CDC42BPG: variants seen among roughly 807,000 people sequenced by gnomAD.
CDC42BPG encodes the protein serine/threonine-protein kinase MRCK gamma.
Under a neutral mutation model 192.2 loss-of-function variants are expected in CDC42BPG, and 157 were observed. The observed-to-expected ratio is 0.82, with a 90% CI of 0.72 to 0.93. CDC42BPG has a LOEUF of 0.93. Ranked by LOEUF, CDC42BPG falls within the 40% of genes least tolerant of loss-of-function variation. The pLI is 0.00. For synonymous variants in CDC42BPG, 981 were observed against 918.5 expected (o/e 1.07, Z -1.23); for missense variants, 1,992 against 2,122.1 (o/e 0.94, Z 1.20).
chr11:64,834,093 G>A, intron 20 of CDC42BPG, 116 bp from the exon 21 acceptor site: 1 of 1,488,120 alleles, frequency 6.7e-7, no homozygotes, highest in Non-Finnish European at 9.4e-7. Context: ...GTGGGGCAGG[G>A]CTGGGCACAG....
At position 64,835,611 on chromosome 11, in the gene CDC42BPG, G is replaced by A. The variant is rs780048803; in HGVS notation, c.1769C>T (p.Thr590Ile). The A allele has an allele frequency of 1.3e-6, 2 of 1,568,268 alleles. No homozygotes were observed. The highest frequency in any genetic ancestry group is 1.4e-5 in the African/African-American group (1 of 74,040). The change falls in exon 15 of 37, where the codon ACA becomes ATA. Residue 590 changes from threonine (T) to isoleucine (I), a missense_variant. Coordinates refer to ENST00000342711, the MANE Select transcript of CDC42BPG (RefSeq NM_017525.3). Reference sequence around the variant, plus strand: ...TCCCATCCCGTTGGTCTCAGAGGCTGTGTGGATGGTCTTGGGGACATGGAG... The same window carrying A: ...TCCCATCCCGTTGGTCTCAGAGGCTATGTGGATGGTCTTGGGGACATGGAG... ...EESSQAKTIHTASETNGMGPP... is the reference protein window; with the variant it reads ...EESSQAKTIHIASETNGMGPP...
At position 64,844,582 on chromosome 11, in the gene CDC42BPG, A is replaced by G. The variant is rs2136445643; in HGVS notation, c.-13T>C. On this transcript the variant is annotated 5_prime_UTR_variant, in exon 1 of 37. Coordinates refer to ENST00000342711, the MANE Select transcript of CDC42BPG (RefSeq NM_017525.3). The stretch of plus-strand genomic sequence containing the variant: ...GCCGCCGCTCCATGGCTGCGGCCGG[A>G]GCCTCGCTGCTCGGCTACAGTCTGG... 1.6e-6 allele frequency: 2 copies of G among 1,256,948 alleles called. No homozygotes were observed. Among genetic ancestry groups the G allele is most frequent in the South Asian group, 2.8e-5 (1 of 35,630 alleles). The allele number at this position is 1,256,948 out of a possible 1,614,324, so 77.9% of individuals were successfully genotyped here.
In CDC42BPG at chr11:64,838,118, G is replaced by A. The variant is rs776609069; in HGVS notation, c.1170C>T (p.His390=). The change falls in exon 9 of 37, where the codon CAC becomes CAT. Residue 390 remains histidine, a synonymous_variant. Coordinates refer to ENST00000342711, the MANE Select transcript of CDC42BPG (RefSeq NM_017525.3). ...TGTAGGTGAAGCCCACGAATGGCAG[G>A]TGATGGCCGGAGAAGGCCCCGTGGG... ...PPSHGAFSGH[H]LPFVGFTYTS... The A allele has an allele frequency of 6.4e-7, 1 of 1,553,616 alleles. No individual in the cohort carries two copies. Among genetic ancestry groups the A allele is most frequent in the South Asian group, 1.2e-5 (1 of 84,230 alleles).
At chr11:64,840,866 G>C (rs1382655774) in intron 3 of CDC42BPG, among the ~76,000 whole-genome samples, 2 of 152,216 alleles carry the variant, frequency 1.3e-5, no homozygotes, top group Admixed American at 1.3e-4. Flanking sequence ...GACTCTGCTT[G>C]CTTTCAAAAG....
Position 64,829,472 on chromosome 11 carries a change from C to G in CDC42BPG, c.3966G>C (p.Trp1322Cys). The change falls in exon 30 of 37, where the codon TGG becomes TGC. Residue 1322 changes from tryptophan to cysteine, a missense_variant and splice_region_variant. Physicochemically the swap from Trp to Cys is radical, Grantham distance 215. This residue lies in a region of CDC42BPG where 1,656 missense variants were observed against 1,844.3 expected (regional missense o/e 0.90). Coordinates refer to ENST00000342711, the MANE Select transcript of CDC42BPG (RefSeq NM_017525.3). ...ELLWPAAPMGWGYAAPYLTVF... is the reference protein window; with the variant it reads ...ELLWPAAPMGCGYAAPYLTVF... ...TGCCAAGCCCTCAGCAGGCCTTACC[C>G]CAGCCCATGGGCGCTGCTGGCCACA... 6.2e-7 allele frequency: 1 copy of G among 1,612,516 alleles called. No homozygotes were observed. Among genetic ancestry groups the G allele is most frequent in the East Asian group, 2.2e-5 (1 of 44,868 alleles).
At chr11:64,825,892 C>T (rs1942394247) in intron 36 of CDC42BPG, among the ~76,000 whole-genome samples, 1 of 151,944 alleles carries the variant, frequency 6.6e-6, no homozygotes, top group East Asian at 1.9e-4. Flanking sequence ...ATAATGAAAC[C>T]CCATCTCTAC....
At chr11:64,825,483 C>T (rs1425838594) in intron 36 of CDC42BPG, among the ~76,000 whole-genome samples, 1 of 152,146 alleles carries the variant, frequency 6.6e-6, no homozygotes, top group Non-Finnish European at 1.5e-5. Flanking sequence ...CCTGGTGGGT[C>T]ACCTGGAGGG....
At chr11:64,826,436 A>G (rs1366672751) in intron 36 of CDC42BPG, 34 bp downstream of exon 36, 1 of 1,481,506 alleles carries the variant, frequency 6.7e-7, no homozygotes, top group South Asian at 1.2e-5. Flanking sequence ...TGACGTTTGA[A>G]TAGGGGACGG....
Position 64,841,753 on chromosome 11 carries a change from C to G in CDC42BPG, c.253-20G>C, listed in dbSNP as rs531296545. ...GGTGACCTAAGGCCACAGGGAGGACCGGGGTGAGCCCAGCCCGGTGTGAAC... is the reference window on the plus strand; with the variant it reads ...GGTGACCTAAGGCCACAGGGAGGACGGGGGTGAGCCCAGCCCGGTGTGAAC... On this transcript the variant is annotated intron_variant, in intron 2 of 36. Coordinates refer to ENST00000342711, the MANE Select transcript of CDC42BPG (RefSeq NM_017525.3). 1 of 1,613,542 alleles carries G rather than the reference C, an allele frequency of 6.2e-7. No individual in the cohort carries two copies. Among genetic ancestry groups the G allele is most frequent in the Non-Finnish European group, 8.5e-7 (1 of 1,179,724 alleles).
intron 1 of CDC42BPG, 48 bp from the exon 2 acceptor site, chr11:64,841,952 A>G: frequency 6.9e-7 from 1 of 1,447,056 alleles, no homozygotes; most frequent in Non-Finnish European, 9.5e-7. Context: ...GGAGGGCTCC[A>G]TTCCCCCTCT....
rs745610303 is a variant in CDC42BPG, at chr11:64,827,337, G to A, written c.4212C>T (p.Thr1404=). 4.3e-6 allele frequency: 7 copies of A among 1,614,008 alleles called. No homozygotes were observed. In the African/African-American group the frequency reaches 6.7e-5, roughly 15 times the overall value. The stretch of plus-strand genomic sequence containing the variant: ...GGAAAAAGAAGCGGCGCTTGCTCTT[G>A]GTGCGGAACAGCTGGCGCCGGCTGT... ...TDNSRRQLFR[T]KSKRRFFFRV... is the part of the protein sequence containing the mutation. Residue 1404 remains threonine (T), a synonymous_variant, in exon 33 of 37, where the codon ACC becomes ACT. Transcript: ENST00000342711.
chr11:64,840,305 G>A (rs751591394), intron 4 of CDC42BPG, 37 bp from the exon 5 acceptor site: 14 of 1,599,810 alleles, frequency 8.8e-6, no homozygotes, highest in Non-Finnish European at 1.2e-5. Context: ...CCGGGGGAAG[G>A]GTGCACCTGG....
At chr11:64,824,846 C>A (rs974281916) in intron 36 of CDC42BPG, among the ~76,000 whole-genome samples, 1 of 152,074 alleles carries the variant, frequency 6.6e-6, no homozygotes, top group African/African-American at 2.4e-5. Flanking sequence ...CTCCCAGGTT[C>A]TAGTGATTCT....
rs1211925881 is a variant in CDC42BPG at position 64,841,662 on chromosome 11, C to T, written c.324G>A (p.Leu108=). Residue 108 remains leucine (L), a synonymous_variant, in exon 3 of 37, where the codon CTG becomes CTA. Coordinates refer to ENST00000342711, the MANE Select transcript of CDC42BPG (RefSeq NM_017525.3). The part of the protein sequence containing the change: ...AMKMLHKWEM[L]KRAETACFRE... The stretch of plus-strand genomic sequence containing the variant: ...ACTCCACACTGACCTCAGCCCTCTT[C>T]AGCATCTCCCACTTGTGCAGCATTT... 1 of 1,613,402 alleles carries T rather than the reference C, an allele frequency of 6.2e-7. No individual in the cohort carries two copies. The highest frequency in any genetic ancestry group is 1.7e-4 in the Middle Eastern group (1 of 6,060).
rs1236332899 is a variant in CDC42BPG, at chr11:64,840,581, T to C, written c.404A>G (p.His135Arg). Reference sequence around the variant, plus strand: ...GTACTCCTCGTCTTGGAAGGCATAGTGCAGAGTGGTCACCCAACGGCTGTC... The same window carrying C: ...GTACTCCTCGTCTTGGAAGGCATAGCGCAGAGTGGTCACCCAACGGCTGTC... ...KGDSRWVTTL[H>R]YAFQDEEYLY... is the part of the protein sequence containing the mutation. The change falls in exon 4 of 37, where the codon CAC (histidine) becomes CGC (arginine). Residue 135 changes from histidine to arginine, a missense_variant. Transcript: ENST00000342711. The C allele has an allele frequency of 1.2e-6, 2 of 1,613,998 alleles. No individual in the cohort carries two copies. The highest frequency in any genetic ancestry group is 1.7e-6 in the Non-Finnish European group (2 of 1,180,012).
Position 64,826,793 on chromosome 11 carries a change from G to C in CDC42BPG, c.4391C>G (p.Ala1464Gly). ...GGCAACTCGGCCCTTCTCTTCGGGA[G>C]CCTGTTGGGTGACAGTGCGGAGGGG... ...GRPGARDKSP[A>G]PEEKGRVARG... Residue 1464 changes from alanine to glycine, a missense_variant and splice_region_variant, in exon 35 of 37, where the codon GCT becomes GGT. Physicochemically the swap from Ala to Gly is moderately conservative, Grantham distance 60. Around this residue, in one of 2 missense-constraint regions of CDC42BPG, gnomAD observed 336 missense variants for 277.9 expected, o/e 1.21. Coordinates refer to ENST00000342711, the MANE Select transcript of CDC42BPG (RefSeq NM_017525.3). 2.7e-6 allele frequency: 4 copies of C among 1,498,162 alleles called. No homozygotes were observed. Among genetic ancestry groups the C allele is most frequent in the Non-Finnish European group, 3.6e-6 (4 of 1,125,868 alleles). The allele number at this position is 1,498,162 out of a possible 1,614,324, so 92.8% of individuals were successfully genotyped here. A position where few individuals can be genotyped will look rare whatever the true frequency, so the allele number is the denominator to read the frequency against.
At chr11:64,843,520 C>G (rs889183558) in intron 1 of CDC42BPG, among the ~76,000 whole-genome samples, 1 of 152,132 alleles carries the variant, frequency 6.6e-6, no homozygotes, top group Non-Finnish European at 1.5e-5. Context: ...TGTGCCTTCC[C>G]AGAGCTCAGG....
chr11:64,842,716 C>T (rs1943333735), intron 1 of CDC42BPG, among the ~76,000 whole-genome samples: 1 of 152,224 alleles, frequency 6.6e-6, no homozygotes, highest in Non-Finnish European at 1.5e-5. Flanking sequence ...GGAAGGGCAA[C>T]TCCAGCCACT....
chr11:64,830,542 C>T (rs1942636772), intron 28 of CDC42BPG: 1 of 526,002 alleles, frequency 1.9e-6, no homozygotes, highest in Non-Finnish European at 3.4e-6. Context: ...TACTTCCTCA[C>T]AGAGCAACTC....
Sources: allele counts gnomAD v4.1 joint callset (sites outside exome capture counted in the v4.1 genomes callset), GRCh38; gene constraint gnomAD v4.1.1; regional missense constraint gnomAD v4.1.1; transcripts MANE v1.5; gene names NCBI Gene and HGNC (gene_info 2026-07-23, HGNC 2026-07-21).